The following STAC variants were observed in gnomAD, a reference collection of about 807,000 sequenced individuals.
STAC encodes the protein SH3 and cysteine rich domain, also known as SH3 and cysteine-rich domain-containing protein.
In STAC, 43 loss-of-function variants were observed where a neutral mutation model predicts 48.8. That is an observed-to-expected ratio of 0.88 (90% CI 0.69 to 1.14). STAC has a LOEUF of 1.14. Ranked by LOEUF, STAC falls within the 50% of genes most tolerant of loss-of-function variation. The probability of loss-of-function intolerance (pLI) is 0.00; values close to 1 mark genes in which losing one functional copy is unlikely to be tolerated. For synonymous variants in STAC, 193 were observed against 179.5 expected, an observed-to-expected ratio of 1.07 and a Z score of -0.60; for missense variants, 497 against 504.0, an observed-to-expected ratio of 0.99 and a Z score of 0.13.
chr3:36,429,704 A>G (rs1365913308), intron 1 of STAC, among the ~76,000 whole-genome samples: 10 of 152,168 alleles, frequency 6.6e-5, no homozygotes, highest in African/African-American at 1.9e-4. Context: ...ATTGAGTTGT[A>G]TAACTCTACC....
chr3:36,389,408 C>T (rs1699703806), intron 1 of STAC, among the ~76,000 whole-genome samples: 1 of 152,074 alleles, frequency 6.6e-6, no homozygotes, highest in African/African-American at 2.4e-5. Flanking sequence ...TAATCCGAAT[C>T]ATGAAGGCTC....
At chr3:36,448,219 T>C (rs1455581584) in intron 2 of STAC, among the ~76,000 whole-genome samples, 2 of 150,126 alleles carry the variant, frequency 1.3e-5, no homozygotes, top group Non-Finnish European at 3.0e-5. Context: ...TTTTACTTTA[T>C]TTAACTTTAT....
At chr3:36,478,530 C>T (rs116346722) in intron 2 of STAC, among the ~76,000 whole-genome samples, 4,722 of 152,110 alleles carry the variant, frequency 0.031, 222 homozygotes, top group African/African-American at 0.11. Context: ...AATCTCACTC[C>T]GTCACTGAGG....
chr3:36,453,328 T>C (rs1176295125), intron 2 of STAC, among the ~76,000 whole-genome samples: 1 of 152,010 alleles, frequency 6.6e-6, no homozygotes, highest in Non-Finnish European at 1.5e-5. Context: ...TCCCTCAGCT[T>C]GCGGCGAGGT....
At chr3:36,459,940 A>G (rs1259589431) in intron 2 of STAC, among the ~76,000 whole-genome samples, 1 of 152,116 alleles carries the variant, frequency 6.6e-6, no homozygotes, top group African/African-American at 2.4e-5. Context: ...TCAATTTTCC[A>G]TCTGTTAAGT....
At chr3:36,538,365 A>G (rs1575272012) in intron 10 of STAC, among the ~76,000 whole-genome samples, 2 of 152,276 alleles carry the variant, frequency 1.3e-5, no homozygotes, top group Middle Eastern at 3.4e-3. Context: ...TTATAGAAAA[A>G]GTTTGCCAAT....
At chr3:36,395,275 G>A (rs991441732) in intron 1 of STAC, among the ~76,000 whole-genome samples, 1 of 152,202 alleles carries the variant, frequency 6.6e-6, no homozygotes, top group Non-Finnish European at 1.5e-5. Context: ...TGAAAGGTGA[G>A]GATAAGAGAA....
intron 1 of STAC, among the ~76,000 whole-genome samples, chr3:36,386,446 T>C (rs2125612150): frequency 6.6e-6 from 1 of 150,782 alleles, no homozygotes; most frequent in East Asian, 2.0e-4. Flanking sequence ...TTCACTGAAA[T>C]TCCTAATTTA....
chr3:36,489,632 A>G (rs975244317), intron 5 of STAC, among the ~76,000 whole-genome samples: 3 of 152,190 alleles, frequency 2.0e-5, no homozygotes, highest in Non-Finnish European at 2.9e-5. Context: ...CCTTAAATGC[A>G]AGGATTCTTT....
rs1054703201 is a variant in STAC, at chr3:36,459,081, C to T, written c.388+15441C>T. ...TAACTTATAAGAGTTATGTGAAAGG[C>T]ATTAGGTACTGGGGAGAGAGAAAAG... On this transcript the variant is annotated intron_variant, in intron 2 of 10. Coordinates refer to ENST00000273183, the MANE Select transcript of STAC (RefSeq NM_003149.3). 6.6e-5 allele frequency: 10 copies of T among 152,214 alleles called. 1 individual carries two copies. The highest frequency in any genetic ancestry group is 1.2e-4 in the Non-Finnish European group (8 of 68,008). 9.4% of individuals were successfully genotyped at this position (152,214 alleles called of 1,614,324 possible).
intron 6 of STAC, among the ~76,000 whole-genome samples, chr3:36,502,894 T>G (rs1698312575): frequency 1.3e-5 from 2 of 152,178 alleles, no homozygotes; most frequent in Non-Finnish European, 2.9e-5. Context: ...GCATATTGGC[T>G]TCCTAGGGAT....
intron 2 of STAC, among the ~76,000 whole-genome samples, chr3:36,444,898 G>A (rs9875258): frequency 0.075 from 11,456 of 152,184 alleles, 473 homozygotes; most frequent in South Asian, 0.13. Context: ...TGGGCCGGGG[G>A]CGATGGAGGG....
chr3:36,510,905 A>G (rs962028625), intron 8 of STAC, among the ~76,000 whole-genome samples: 2 of 152,174 alleles, frequency 1.3e-5, no homozygotes, highest in East Asian at 1.9e-4. Flanking sequence ...ATGTATATCT[A>G]TGTAACAAAC....
At chr3:36,533,127 A>G (rs2125736045) in intron 10 of STAC, among the ~76,000 whole-genome samples, 1 of 152,274 alleles carries the variant, frequency 6.6e-6, no homozygotes, top group South Asian at 2.1e-4. Flanking sequence ...AACAGTAAAG[A>G]GCAGCTTGGT....
At chr3:36,482,127 C>T (rs1697664630) in intron 2 of STAC, among the ~76,000 whole-genome samples, 1 of 152,170 alleles carries the variant, frequency 6.6e-6, no homozygotes, top group African/African-American at 2.4e-5. Context: ...TTTGGGATAT[C>T]AGAGCAGATG....
chr3:36,540,977 G>C (rs1699310301), intron 10 of STAC, among the ~76,000 whole-genome samples: 1 of 152,138 alleles, frequency 6.6e-6, no homozygotes, highest in South Asian at 2.1e-4. Flanking sequence ...ATAATAAAGA[G>C]TCTGATAGAG....
At chr3:36,476,536 A>C (rs949354731) in intron 2 of STAC, among the ~76,000 whole-genome samples, 1 of 152,186 alleles carries the variant, frequency 6.6e-6, no homozygotes, top group African/African-American at 2.4e-5. Context: ...GTTGAAAATG[A>C]AGCAAGGAAA....
At chr3:36,488,429 A>G (rs892629617) in intron 5 of STAC, among the ~76,000 whole-genome samples, 3 of 152,110 alleles carry the variant, frequency 2.0e-5, no homozygotes, top group African/African-American at 7.2e-5. Context: ...TGCTCAGCCC[A>G]TCTCCTTCTC....
chr3:36,499,702 C>A (rs1446048031), intron 6 of STAC, among the ~76,000 whole-genome samples: 1 of 151,030 alleles, frequency 6.6e-6, no homozygotes, highest in Non-Finnish European at 1.5e-5. Flanking sequence ...TTTTAAATGA[C>A]CTATATACTA....
Sources: gnomAD v4.1 joint callset for allele counts (sites outside exome capture counted in the v4.1 genomes callset) on GRCh38, gnomAD v4.1.1 for gene constraint, MANE v1.5 for transcripts, NCBI Gene and HGNC (gene_info 2026-07-23, HGNC 2026-07-21) for gene names.